NUDT3: variants seen among roughly 807,000 people sequenced by gnomAD.
NUDT3 encodes the protein nudix hydrolase 3, also known as diphosphoinositol polyphosphate phosphohydrolase 1.
In NUDT3, 9 loss-of-function variants were observed where a neutral mutation model predicts 23.6. The ratio of observed to expected loss-of-function variants is 0.38; its 90% CI spans 0.23 to 0.66. The LOEUF is 0.66. Ranked by LOEUF, NUDT3 falls within the 30% of genes least tolerant of loss-of-function variation. The probability of loss-of-function intolerance (pLI) is 0.52; values close to 1 mark genes in which losing one functional copy is unlikely to be tolerated. For missense variants in NUDT3, 172 were observed against 218.5 expected (o/e 0.79, Z 1.34); for synonymous variants, 86 against 82.6 (o/e 1.04, Z -0.22).
intron 2 of NUDT3, among the ~76,000 whole-genome samples, chr6:34,316,032 C>A (rs568518038): frequency 3.1e-4 from 47 of 152,258 alleles, no homozygotes; most frequent in African/African-American, 9.1e-4. Context: ...AAGCCTGGCT[C>A]TTTTCACTTT....
chr6:34,342,825 T>A (rs907127628), intron 1 of NUDT3, among the ~76,000 whole-genome samples: 3 of 152,200 alleles, frequency 2.0e-5, no homozygotes, highest in African/African-American at 7.2e-5. Flanking sequence ...TCTGCAACCA[T>A]CCTTGTTGCC....
chr6:34,348,701 G>A (rs1025395387), intron 1 of NUDT3, among the ~76,000 whole-genome samples: 4 of 151,876 alleles, frequency 2.6e-5, no homozygotes, highest in East Asian at 1.9e-4. Flanking sequence ...GTGTGAACCC[G>A]GGAGGCGGAG....
intron 1 of NUDT3, 50 bp downstream of exon 1, chr6:34,392,214 G>C: frequency 1.4e-6 from 2 of 1,466,692 alleles, no homozygotes; most frequent in Non-Finnish European, 1.8e-6. Flanking sequence ...GCCTCCACCC[G>C]AAGGGGCCGG....
chr6:34,342,289 C>CAAAAAAAAAAAAAAA (rs200954440), intron 1 of NUDT3, among the ~76,000 whole-genome samples: 12 of 66,492 alleles, frequency 1.8e-4, no homozygotes, highest in African/African-American at 2.7e-4. Flanking sequence ...TAGAAGACTT[C>CAAAAAAAAAAAAAAA]AAAAAAAAAA....
intron 2 of NUDT3, among the ~76,000 whole-genome samples, chr6:34,316,912 TGAAAGTAGTA>T (rs1157879624): frequency 6.6e-6 from 1 of 152,050 alleles, no homozygotes; most frequent in African/African-American, 2.4e-5. Context: ...CCTACTGTGT[TGAAAGTAGTA>T]GACTGAAGAA....
chr6:34,346,648 T>C (rs1219930882), intron 1 of NUDT3, among the ~76,000 whole-genome samples: 1 of 152,120 alleles, frequency 6.6e-6, no homozygotes. Flanking sequence ...CAAGCCTCAT[T>C]AGTTTGTAGC....
chr6:34,392,113 C>CT (rs1581909266), intron 1 of NUDT3, 151 bp downstream of exon 1: 2 of 600,744 alleles, frequency 3.3e-6, no homozygotes, highest in Middle Eastern at 4.4e-4. Flanking sequence ...CTCCTTCCCC[C>CT]TTTTTTCGCC....
chr6:34,320,990 G>C (rs138113025), intron 2 of NUDT3, among the ~76,000 whole-genome samples: 4 of 152,134 alleles, frequency 2.6e-5, no homozygotes, highest in Admixed American at 6.5e-5. Flanking sequence ...CCAAAGAGGC[G>C]TCTCTAGGTG....
At position 34,284,794 on chromosome 6, in the gene NUDT3, C is replaced by A. The variant is rs1442322829; in HGVS notation, c.*3959G>T. 1 of 152,138 alleles carries A rather than the reference C, an allele frequency of 6.6e-6. No homozygotes were observed. Among genetic ancestry groups the A allele is most frequent in the Non-Finnish European group, 1.5e-5 (1 of 68,024 alleles). 9.4% of individuals were successfully genotyped at this position (152,138 alleles called of 1,614,324 possible). A position where few individuals can be genotyped will look rare whatever the true frequency, so the allele number is the denominator to read the frequency against. The stretch of plus-strand genomic sequence containing the variant: ...AAAAACCACAAAGGGTGACTTTTTT[C>A]TTCTAAGCAAGCAAGCCTGAGAGGC... On this transcript the variant is annotated 3_prime_UTR_variant, in exon 5 of 5. Coordinates refer to ENST00000607016, the MANE Select transcript of NUDT3 (RefSeq NM_006703.4).
intron 1 of NUDT3, among the ~76,000 whole-genome samples, chr6:34,377,930 T>C (rs1764952245): frequency 6.6e-6 from 1 of 152,166 alleles, no homozygotes; most frequent in Non-Finnish European, 1.5e-5. Flanking sequence ...AGTGCTCTGA[T>C]TTGCTCTAAT....
intron 3 of NUDT3, among the ~76,000 whole-genome samples, chr6:34,293,757 T>C (rs752203238): frequency 1.3e-5 from 2 of 152,182 alleles, no homozygotes; most frequent in Admixed American, 1.3e-4. Context: ...AGTAATTATA[T>C]TGGTTTTTCC....
chr6:34,299,896 G>A (rs1763572763), intron 2 of NUDT3, among the ~76,000 whole-genome samples: 1 of 145,454 alleles, frequency 6.9e-6, no homozygotes, highest in Admixed American at 6.8e-5. Flanking sequence ...CAGTGAGACT[G>A]TCTCAAAAAA....
At chr6:34,372,017 G>A (rs528117584) in intron 1 of NUDT3, among the ~76,000 whole-genome samples, 1 of 152,114 alleles carries the variant, frequency 6.6e-6, no homozygotes. Context: ...CCTTGCGATC[G>A]TTTGCTCAGA....
chr6:34,293,377 T>C (rs1763452486), intron 4 of NUDT3, 74 bp downstream of exon 4: 1 of 1,574,822 alleles, frequency 6.3e-7, no homozygotes, highest in Non-Finnish European at 8.7e-7. Flanking sequence ...TTGTTTCTGG[T>C]TCTGGTCATG....
chr6:34,365,869 T>C (rs455286), intron 1 of NUDT3, among the ~76,000 whole-genome samples: 139,681 of 152,076 alleles, frequency 0.92, 64,319 homozygotes, highest in East Asian at 0.99. Flanking sequence ...TGGTGAAAGC[T>C]CGTCTCTACT....
Position 34,374,106 on chromosome 6 carries a change from C to G in NUDT3, c.99+18158G>C, listed in dbSNP as rs372491720. Among the ~76,000 whole-genome samples the G allele has an allele frequency of 2.5e-4, 36 of 145,200 alleles. No homozygotes were observed. In the East Asian group the frequency reaches 6.3e-3, roughly 25 times the overall value. On this transcript the variant is annotated intron_variant, in intron 1 of 4. Coordinates refer to ENST00000607016, the MANE Select transcript of NUDT3 (RefSeq NM_006703.4). ...TGGGAGGCAGAGGTTGCAGCAAGCC[C>G]GGATCATGCCACTGTACTCCAGCCT...
At chr6:34,303,197 A>ATTTTTTTT (rs55915428) in intron 2 of NUDT3, among the ~76,000 whole-genome samples, 24 of 74,550 alleles carry the variant, frequency 3.2e-4, no homozygotes, top group African/African-American at 1.0e-3. Flanking sequence ...ATACCTGGCA[A>ATTTTTTTT]TTTTTTTTTT....
chr6:34,290,268 G>C (rs1049863694), intron 4 of NUDT3, among the ~76,000 whole-genome samples: 4 of 150,052 alleles, frequency 2.7e-5, no homozygotes, highest in Non-Finnish European at 5.9e-5. Context: ...CCAGAGATAG[G>C]ATCTCACAGG....
intron 2 of NUDT3, among the ~76,000 whole-genome samples, chr6:34,299,561 G>GCTAT (rs1315601284): frequency 3.8e-4 from 58 of 151,550 alleles, no homozygotes; most frequent in African/African-American, 1.3e-3. Context: ...AGTAGCTGGG[G>GCTAT]CTATAGGCAT....
Sources: allele counts gnomAD v4.1 joint callset (sites outside exome capture counted in the v4.1 genomes callset), GRCh38; gene constraint gnomAD v4.1.1; transcripts MANE v1.5; gene names NCBI Gene and HGNC (gene_info 2026-07-23, HGNC 2026-07-21).